MDGA2: variants seen among roughly 807,000 people sequenced by gnomAD.
MDGA2 encodes MAM domain containing glycosylphosphatidylinositol anchor 2.
In MDGA2, 40 loss-of-function variants were observed where a neutral mutation model predicts 117.8. The ratio of observed to expected loss-of-function variants is 0.34; its 90% CI spans 0.26 to 0.44. The LOEUF (loss-of-function observed/expected upper bound fraction) is 0.44. MDGA2 is among the 20% of genes least tolerant of loss of function. MDGA2 has a pLI of 1.00. For synonymous variants in MDGA2, 452 were observed against 439.0 expected (o/e 1.03, Z -0.37); for missense variants, 1,123 against 1,250.6 (o/e 0.90, Z 1.54).
intron 1 of MDGA2, among the ~76,000 whole-genome samples, chr14:47,610,501 T>C (rs1024956332): frequency 1.3e-5 from 2 of 151,954 alleles, no homozygotes; most frequent in Non-Finnish European, 1.5e-5. Flanking sequence ...TCAGTAGTTC[T>C]CCTATACACC....
intron 3 of MDGA2, among the ~76,000 whole-genome samples, chr14:47,172,464 G>A (rs561490866): frequency 1.4e-4 from 21 of 152,020 alleles, no homozygotes; most frequent in African/African-American, 4.6e-4. Context: ...CCAGCGGAAC[G>A]ATCAGAGAGC....
intron 1 of MDGA2, among the ~76,000 whole-genome samples, chr14:47,457,812 G>GTT (rs34337535): frequency 0.021 from 3,000 of 143,638 alleles, 44 homozygotes; most frequent in South Asian, 0.033. Context: ...ATTTTTTTCT[G>GTT]TTTTTTTTTT....
intron 5 of MDGA2, among the ~76,000 whole-genome samples, chr14:47,127,850 A>G (rs1208227514): frequency 6.6e-6 from 1 of 152,048 alleles, no homozygotes; most frequent in African/African-American, 2.4e-5. Context: ...ACTTTAAAAG[A>G]TCTCAGGAAT....
At chr14:47,645,529 C>A (rs1028123677) in intron 1 of MDGA2, among the ~76,000 whole-genome samples, 1 of 151,716 alleles carries the variant, frequency 6.6e-6, no homozygotes. Context: ...CCACCGCGCC[C>A]GGCCCAATTC....
At chr14:46,857,996 C>G (rs1233277000) in intron 14 of MDGA2, among the ~76,000 whole-genome samples, 1 of 151,818 alleles carries the variant, frequency 6.6e-6, no homozygotes, top group Non-Finnish European at 1.5e-5. Context: ...TCTCTTTCCT[C>G]TCTTTTGCAC....
chr14:47,306,345 A>T (rs1167326887), intron 1 of MDGA2, among the ~76,000 whole-genome samples: 2 of 152,178 alleles, frequency 1.3e-5, no homozygotes, highest in Non-Finnish European at 2.9e-5. Context: ...CCGTTGGGGG[A>T]ATCTTGAGAT....
chr14:46,937,541 G>A (rs1112683), intron 9 of MDGA2, among the ~76,000 whole-genome samples: 82,470 of 151,916 alleles, frequency 0.54, 22,862 homozygotes, highest in South Asian at 0.59. Context: ...AGCTGAAGGC[G>A]TTATACTACC....
At chr14:47,464,045 T>G (rs1178652966) in intron 1 of MDGA2, among the ~76,000 whole-genome samples, 1 of 151,228 alleles carries the variant, frequency 6.6e-6, no homozygotes, top group East Asian at 2.0e-4. Context: ...CTAGAACAAT[T>G]AATGAAAGAA....
chr14:47,088,528 T>C (rs1040700665), intron 6 of MDGA2, among the ~76,000 whole-genome samples: 1 of 152,104 alleles, frequency 6.6e-6, no homozygotes, highest in Non-Finnish European at 1.5e-5. Context: ...ATTTGATGAA[T>C]CTAAATGCTT....
intron 1 of MDGA2, among the ~76,000 whole-genome samples, chr14:47,494,829 G>A (rs1894245717): frequency 6.6e-6 from 1 of 150,814 alleles, no homozygotes; most frequent in African/African-American, 2.4e-5. Flanking sequence ...TCAGTTGGCT[G>A]TAGGTATGAA....
chr14:46,964,288 C>T (rs1440015979), intron 8 of MDGA2, among the ~76,000 whole-genome samples: 3 of 150,510 alleles, frequency 2.0e-5, no homozygotes, highest in Admixed American at 1.3e-4. Flanking sequence ...GTTAGAATTA[C>T]TATGATTAGA....
chr14:47,489,237 T>C (rs533727431), intron 1 of MDGA2, among the ~76,000 whole-genome samples: 1 of 152,188 alleles, frequency 6.6e-6, no homozygotes. Context: ...TAATCACAAC[T>C]AGCACTCTCA....
chr14:47,388,894 C>A (rs1891822798), intron 1 of MDGA2, among the ~76,000 whole-genome samples: 1 of 152,150 alleles, frequency 6.6e-6, no homozygotes, highest in Admixed American at 6.6e-5. Flanking sequence ...GTGCTTTCTA[C>A]CTCTCAGTTA....
At chr14:47,580,700 A>AT (rs924760422) in intron 1 of MDGA2, among the ~76,000 whole-genome samples, 29 of 151,048 alleles carry the variant, frequency 1.9e-4, no homozygotes, top group African/African-American at 6.3e-4. Context: ...CTTGGAAGTC[A>AT]TTTTTTTTTC....
intron 1 of MDGA2, among the ~76,000 whole-genome samples, chr14:47,574,569 T>C (rs1357630641): frequency 5.9e-5 from 9 of 152,182 alleles, no homozygotes; most frequent in Non-Finnish European, 1.3e-4. Flanking sequence ...GACAGGTCAA[T>C]TGTAATATCT....
rs146410338 is a variant in MDGA2, at chr14:47,609,696, T to A, written c.280+64821A>T. Among the ~76,000 whole-genome samples the A allele has an allele frequency of 2.1e-3, 321 of 151,528 alleles. 5 individuals carry two copies. Among genetic ancestry groups the A allele is most frequent in the African/African-American group, 7.3e-3 (304 of 41,382 alleles). ...TCCATAGTGGCTGTAGTAGTTTCCA[T>A]TCCCACCAGCAGTGTAGAAGTGTTC... On this transcript the variant is annotated intron_variant, in intron 1 of 16. Coordinates refer to ENST00000399232, the MANE Select transcript of MDGA2 (RefSeq NM_001113498.3).
chr14:47,291,189 C>T (rs1487619840), intron 2 of MDGA2, among the ~76,000 whole-genome samples: 1 of 152,164 alleles, frequency 6.6e-6, no homozygotes, highest in Non-Finnish European at 1.5e-5. Context: ...CTTAGCCCTA[C>T]TCGAAACTGC....
At chr14:47,337,303 C>G (rs113077191) in intron 1 of MDGA2, among the ~76,000 whole-genome samples, 2,428 of 152,134 alleles carry the variant, frequency 0.016, 28 homozygotes, top group Non-Finnish European at 0.021. Context: ...AGTAACAGCA[C>G]AGCTGCAAGA....
intron 1 of MDGA2, among the ~76,000 whole-genome samples, chr14:47,641,701 G>C (rs1444080910): frequency 6.6e-6 from 1 of 152,070 alleles, no homozygotes; most frequent in East Asian, 1.9e-4. Context: ...ATATATTTTA[G>C]GTTGAACATT....
Sources: allele counts gnomAD v4.1 joint callset (sites outside exome capture counted in the v4.1 genomes callset), GRCh38; gene constraint gnomAD v4.1.1; transcripts MANE v1.5; gene names NCBI Gene and HGNC (gene_info 2026-07-23, HGNC 2026-07-21).